ZNF541: variants seen among roughly 807,000 people sequenced by gnomAD.
The protein encoded by ZNF541 is zinc finger protein 541.
In ZNF541, 23 loss-of-function variants were observed where a neutral mutation model predicts 123.5. The observed-to-expected ratio is 0.19, with a 90% CI of 0.13 to 0.26. ZNF541 has a LOEUF of 0.26. ZNF541 is among the 10% of genes least tolerant of loss of function. The pLI, the probability that ZNF541 is intolerant of heterozygous loss-of-function variation, is 1.00. For missense variants in ZNF541, 1,612 were observed against 1,789.9 expected, an observed-to-expected ratio of 0.90 and a Z score of 1.79; for synonymous variants, 751 against 754.5, an observed-to-expected ratio of 1.00 and a Z score of 0.08.
chr19:47,535,370 G>A (rs1969768728), intron 9 of ZNF541, among the ~76,000 whole-genome samples: 1 of 152,178 alleles, frequency 6.6e-6, no homozygotes, highest in Non-Finnish European at 1.5e-5. Flanking sequence ...TGGGCTTCAT[G>A]AAAATTAGAA....
chr19:47,525,315 A>G (rs565658742), intron 14 of ZNF541, among the ~76,000 whole-genome samples: 1 of 151,728 alleles, frequency 6.6e-6, no homozygotes, highest in African/African-American at 2.4e-5. Flanking sequence ...ACTCTCCTCA[A>G]TTGGCCTATA....
At chr19:47,531,942 A>G (rs564468135) in intron 11 of ZNF541, among the ~76,000 whole-genome samples, 186 bp downstream of exon 11, 49 of 152,166 alleles carry the variant, frequency 3.2e-4, no homozygotes, top group Non-Finnish European at 6.0e-4. Context: ...CCATGTGACA[A>G]AAGAGGTAGG....
At chr19:47,569,033 A>G (rs1332428119) in intron 2 of ZNF541, among the ~76,000 whole-genome samples, 1 of 152,136 alleles carries the variant, frequency 6.6e-6, no homozygotes, top group Middle Eastern at 3.2e-3. Context: ...TATTTTTACA[A>G]ATTGGATTAG....
chr19:47,551,457 G>T (rs1281035327), intron 3 of ZNF541, among the ~76,000 whole-genome samples: 1 of 151,788 alleles, frequency 6.6e-6, no homozygotes, highest in African/African-American at 2.4e-5. Context: ...CCGCAGCCTT[G>T]AACTCCTGGG....
intron 14 of ZNF541, among the ~76,000 whole-genome samples, chr19:47,526,589 T>C (rs1347095613): frequency 1.3e-5 from 2 of 151,220 alleles, no homozygotes; most frequent in Non-Finnish European, 2.9e-5. Flanking sequence ...AACAGGCCCA[T>C]GAAAAGATGC....
At chr19:47,556,002 AT>A in intron 2 of ZNF541, 48 bp from the exon 3 acceptor site, 1 of 859,930 alleles carries the variant, frequency 1.2e-6, no homozygotes, top group East Asian at 2.7e-5. Flanking sequence ...GCAAAACAGC[AT>A]TGTGGGCAGA....
chr19:47,528,207 C>T (rs748285752), intron 14 of ZNF541, among the ~76,000 whole-genome samples: 51 of 142,802 alleles, frequency 3.6e-4, no homozygotes, highest in African/African-American at 9.5e-4. Flanking sequence ...CCCAGCTACT[C>T]GGAAGGCTGA....
chr19:47,533,032 T>C (rs1969648189), intron 9 of ZNF541, 60 bp from the exon 10 acceptor site: 9 of 1,483,766 alleles, frequency 6.1e-6, no homozygotes, highest in Non-Finnish European at 8.2e-6. Context: ...GACAGGGTCC[T>C]CTGCCTGCCT....
intron 2 of ZNF541, among the ~76,000 whole-genome samples, chr19:47,562,260 C>T (rs980856490): frequency 4.8e-5 from 7 of 146,734 alleles, no homozygotes; most frequent in African/African-American, 1.8e-4. Flanking sequence ...AAAACAAAAA[C>T]AGGCCAGGCG....
chr19:47,563,151 G>A (rs1338163947), intron 2 of ZNF541, among the ~76,000 whole-genome samples: 1 of 152,186 alleles, frequency 6.6e-6, no homozygotes, highest in African/African-American at 2.4e-5. Flanking sequence ...TATTGAGGCA[G>A]CACAAATTTA....
intron 4 of ZNF541, among the ~76,000 whole-genome samples, chr19:47,547,977 CT>C (rs201983507): frequency 0.019 from 2,849 of 148,862 alleles, 39 homozygotes; most frequent in Middle Eastern, 0.058. Flanking sequence ...GAGGCAGAGG[CT>C]TGCAGTGAGC....
In ZNF541 at chr19:47,557,468, C is replaced by T. The variant is rs1970870254; in HGVS notation, c.-98-1514G>A. 3.3e-5 allele frequency among the ~76,000 whole-genome samples: 5 copies of T among 152,020 alleles called. No individual in the cohort carries two copies. The South Asian group carries it at 8.3e-4, about 25-fold the overall frequency. On this transcript the variant is annotated intron_variant, in intron 2 of 16. Coordinates refer to ENST00000391901, the MANE Select transcript of ZNF541 (RefSeq NM_001277075.3). ...CAAACTTCTCAACAGAAACAAGCCT[C>T]GAAGATAAGAATAAGAATATCATCA...
intron 2 of ZNF541, among the ~76,000 whole-genome samples, chr19:47,557,749 G>C (rs1970882752): frequency 6.6e-6 from 1 of 151,982 alleles, no homozygotes. Flanking sequence ...TGAGGCAGGA[G>C]GATCACTTCA....
chr19:47,539,402 T>G (rs1425541196), intron 8 of ZNF541, among the ~76,000 whole-genome samples: 1 of 150,926 alleles, frequency 6.6e-6, no homozygotes, highest in African/African-American at 2.4e-5. Flanking sequence ...TGGGTTCAAG[T>G]GATTCTCGGG....
rs140333327 is a variant in ZNF541, at chr19:47,523,651, G to A, written c.3571-1657C>T. Among the ~76,000 whole-genome samples the A allele has an allele frequency of 5.5e-3, 830 of 152,264 alleles. 5 individuals carry two copies. The highest frequency in any genetic ancestry group is 9.5e-3 in the Non-Finnish European group (644 of 68,028). ...AACAATGTTTGGCAAGACACCAGGC[G>A]TCATTCAACAAAGGGCAGTGAACCC... On this transcript the variant is annotated intron_variant, in intron 14 of 16. Transcript: ENST00000391901.
At chr19:47,535,114 G>A (rs1028589835) in intron 9 of ZNF541, among the ~76,000 whole-genome samples, 1 of 151,960 alleles carries the variant, frequency 6.6e-6, no homozygotes, top group Admixed American at 6.6e-5. Flanking sequence ...CACCACACCC[G>A]GCTAATTCTT....
chr19:47,536,012 T>G lies in ZNF541; in HGVS notation c.3094+2130A>C, dbSNP rs565220666. ...TTGTTTCTATAGATTATAGATCAATTAAAAGTATTCCTTACAGGAAACAAA... is the reference window on the plus strand; with the variant it reads ...TTGTTTCTATAGATTATAGATCAATGAAAAGTATTCCTTACAGGAAACAAA... On this transcript the variant is annotated intron_variant, in intron 9 of 16. Transcript: ENST00000391901. Among the ~76,000 whole-genome samples the G allele has an allele frequency of 5.9e-5, 9 of 152,296 alleles. No individual in the cohort carries two copies. In the South Asian group the frequency reaches 1.2e-3, roughly 21 times the overall value.
At chr19:47,531,496 C>T (rs1969569729) in intron 12 of ZNF541, 146 bp downstream of exon 12, 2 of 564,286 alleles carry the variant, frequency 3.5e-6, no homozygotes, top group Non-Finnish European at 6.1e-6. Context: ...ACAAGGACCA[C>T]TGCAATCCCA....
intron 3 of ZNF541, among the ~76,000 whole-genome samples, chr19:47,549,773 T>C (rs1970518864): frequency 6.6e-6 from 1 of 152,132 alleles, no homozygotes. Flanking sequence ...CATCACCTGG[T>C]ACTCTTGGAA....
Sources: allele counts gnomAD v4.1 joint callset (sites outside exome capture counted in the v4.1 genomes callset), GRCh38; gene constraint gnomAD v4.1.1; transcripts MANE v1.5; gene names NCBI Gene and HGNC (gene_info 2026-07-23, HGNC 2026-07-21).